LUC7L: variants seen among roughly 807,000 people sequenced by gnomAD.
The protein encoded by LUC7L is LUC7 like, also known as putative RNA-binding protein Luc7-like 1.
A neutral mutation model predicts 51.1 loss-of-function variants in LUC7L; 29 were observed. That is an observed-to-expected ratio of 0.57 (90% CI 0.42 to 0.77). The LOEUF (loss-of-function observed/expected upper bound fraction) is 0.77, where lower values mean the gene tolerates loss of function less well. Among genes scored for constraint, LUC7L ranks in the 30% least tolerant of loss-of-function variants. The pLI, the probability that LUC7L is intolerant of heterozygous loss-of-function variation, is 0.00. For synonymous variants in LUC7L, 181 were observed against 180.7 expected (o/e 1.00, Z -0.01); for missense variants, 403 against 511.9 (o/e 0.79, Z 2.05).
intron 6 of LUC7L, among the ~76,000 whole-genome samples, chr16:198,681 CATA>C (rs1301455446): frequency 6.6e-6 from 1 of 151,966 alleles, no homozygotes; most frequent in Non-Finnish European, 1.5e-5. Flanking sequence ...GAGATCAGAA[CATA>C]ATGTTTTTTG....
Position 220,724 on chromosome 16 carries a change from G to A in LUC7L, c.180C>T (p.Thr60=), listed in dbSNP as rs149742297. ...CTCGGAGGGCCAAGTCGTGGATTTT[G>A]GTACATTCTCCTAAATCCATGCGCT... The part of the protein sequence containing the change: ...AGTRMDLGEC[T]KIHDLALRAD... Residue 60 remains threonine (T), a synonymous_variant, in exon 3 of 10, where the codon ACC becomes ACT. Coordinates refer to ENST00000293872, the MANE Select transcript of LUC7L (RefSeq NM_201412.3). The A allele has an allele frequency of 5.3e-5, 85 of 1,613,888 alleles. 1 individual carries two copies. The African/African-American group carries it at 1.1e-3, about 20-fold the overall frequency.
At chr16:204,970 G>A (rs866298660) in intron 5 of LUC7L, among the ~76,000 whole-genome samples, 1 of 152,188 alleles carries the variant, frequency 6.6e-6, no homozygotes, top group Non-Finnish European at 1.5e-5. Flanking sequence ...CTTCGGAGAT[G>A]ATGAGTGTCA....
At chr16:211,708 C>A (rs1267375235) in intron 3 of LUC7L, among the ~76,000 whole-genome samples, 1 of 152,196 alleles carries the variant, frequency 6.6e-6, no homozygotes, top group African/African-American at 2.4e-5. Flanking sequence ...CTCTGAGTAG[C>A]GTTATGAAAC....
chr16:222,640 ATT>A (rs778095221), intron 2 of LUC7L, among the ~76,000 whole-genome samples: 3 of 142,102 alleles, frequency 2.1e-5, no homozygotes, highest in Non-Finnish European at 1.5e-5. Flanking sequence ...TGTCTTTTTA[ATT>A]TTTTTTTTTT....
chr16:225,617 G>A (rs1436786607), intron 2 of LUC7L, among the ~76,000 whole-genome samples: 1 of 149,524 alleles, frequency 6.7e-6, no homozygotes, highest in African/African-American at 2.5e-5. Context: ...CTCCTGAGTA[G>A]CTGGGATTAC....
chr16:223,102 G>A lies in LUC7L; in HGVS notation c.157-2355C>T, dbSNP rs1410469698. Among the ~76,000 whole-genome samples, 7 of 151,724 alleles carry A rather than the reference G, an allele frequency of 4.6e-5. No homozygotes were observed. In the East Asian group the frequency reaches 7.9e-4, roughly 17 times the overall value. On this transcript the variant is annotated intron_variant, in intron 2 of 9. Coordinates refer to ENST00000293872, the MANE Select transcript of LUC7L (RefSeq NM_201412.3). ...AGGCTGGGCACGGTGGCTCACTCCT[G>A]TAATCCCAGCACTTTGGGAGGCCGA...
chr16:198,900 G>A lies in LUC7L; in HGVS notation c.687+162C>T, dbSNP rs373651178. Among the ~76,000 whole-genome samples, 19 of 152,116 alleles carry A rather than the reference G, an allele frequency of 1.2e-4. No individual in the cohort carries two copies. In the South Asian group the frequency reaches 2.5e-3, roughly 20 times the overall value. On this transcript the variant is annotated intron_variant, in intron 6 of 9. Coordinates refer to ENST00000293872, the MANE Select transcript of LUC7L (RefSeq NM_201412.3). ...TCACCATGTTGGTCAGGCTGGTCTCGAACTCCTGACCTCAGGTGATTCGCC... is the reference window on the plus strand; with the variant it reads ...TCACCATGTTGGTCAGGCTGGTCTCAAACTCCTGACCTCAGGTGATTCGCC...
chr16:198,265 CGA>C (rs1414169448), intron 6 of LUC7L, among the ~76,000 whole-genome samples: 1 of 107,162 alleles, frequency 9.3e-6, no homozygotes, highest in Non-Finnish European at 1.7e-5. Context: ...GGCGACAGAG[CGA>C]GACTCCATCT....
intron 5 of LUC7L, 83 bp from the exon 6 acceptor site, chr16:199,321 TAAG>T (rs1008328920): frequency 1.3e-5 from 12 of 890,620 alleles, no homozygotes; most frequent in Non-Finnish European, 2.1e-5. Flanking sequence ...AAATATTTGA[TAAG>T]ATGACAGAGG....
At chr16:197,844 C>T (rs1417784125) in intron 6 of LUC7L, among the ~76,000 whole-genome samples, 1 of 152,184 alleles carries the variant, frequency 6.6e-6, no homozygotes. Flanking sequence ...CAGGGGGAGG[C>T]TGGCTAATTT....
At position 208,751 on chromosome 16, in the gene LUC7L, TG is replaced by T. The variant is rs2142078890; in HGVS notation, c.256-564del. The stretch of plus-strand genomic sequence containing the variant: ...TACTATCTAAAGTAGCAGGAAAAAT[TG>T]GTTGCTATTTACCCAAAGAGATAAA... On this transcript the variant is annotated intron_variant, in intron 3 of 9. Transcript: ENST00000293872. The T allele has an allele frequency of 6.7e-6, 3 of 449,036 alleles. No individual in the cohort carries two copies. In the South Asian group the frequency reaches 2.8e-4, roughly 42 times the overall value. 27.8% of individuals were successfully genotyped at this position (449,036 alleles called of 1,614,324 possible).
At chr16:229,175 G>A (rs1486060825) in intron 1 of LUC7L, 104 bp downstream of exon 1, 2 of 1,464,818 alleles carry the variant, frequency 1.4e-6, no homozygotes, top group African/African-American at 1.5e-5. Context: ...GCGATGCCCC[G>A]CGCAGGCGCA....
Position 195,948 on chromosome 16 carries a change from T to C in LUC7L, c.688-2933A>G, listed in dbSNP as rs147963913. Among the ~76,000 whole-genome samples, 9 of 152,332 alleles carry C rather than the reference T, an allele frequency of 5.9e-5. No individual in the cohort carries two copies. In the East Asian group the frequency reaches 1.5e-3, roughly 26 times the overall value. On this transcript the variant is annotated intron_variant, in intron 6 of 9. Transcript: ENST00000293872. Reference sequence around the variant, plus strand: ...AATAATTATTTATCAAAGTCTGTAATACGAGTTGTGTTGTTTTGGTCAACT... The same window carrying C: ...AATAATTATTTATCAAAGTCTGTAACACGAGTTGTGTTGTTTTGGTCAACT...
rs2049402273 is a variant in LUC7L at position 203,816 on chromosome 16, G to A, written c.510+2188C>T. Among the ~76,000 whole-genome samples, 3 of 151,498 alleles carry A rather than the reference G, an allele frequency of 2.0e-5. No homozygotes were observed. The South Asian group carries it at 6.3e-4, about 32-fold the overall frequency. ...CGGATCATGAGGTCAGGAGATAGAG[G>A]CCATCCTGGCTAACACGGTTAAATC... On this transcript the variant is annotated intron_variant, in intron 5 of 9. Coordinates refer to ENST00000293872, the MANE Select transcript of LUC7L (RefSeq NM_201412.3).
At chr16:197,832 T>C (rs1266520530) in intron 6 of LUC7L, among the ~76,000 whole-genome samples, 1 of 152,146 alleles carries the variant, frequency 6.6e-6, no homozygotes, top group African/African-American at 2.4e-5. Context: ...ATTTCAGGTA[T>C]ACAGGGGGAG....
chr16:216,141 A>G (rs901668039), intron 3 of LUC7L, among the ~76,000 whole-genome samples: 9 of 151,942 alleles, frequency 5.9e-5, no homozygotes, highest in Non-Finnish European at 4.4e-5. Context: ...AGCTGGGATT[A>G]TAGGTGCCCA....
At chr16:219,799 G>A (rs1247326973) in intron 3 of LUC7L, among the ~76,000 whole-genome samples, 2 of 151,712 alleles carry the variant, frequency 1.3e-5, no homozygotes, top group Non-Finnish European at 2.9e-5. Flanking sequence ...AACCTGGGAG[G>A]AGTAGGTTGC....
At chr16:196,793 C>G (rs9939237) in intron 6 of LUC7L, among the ~76,000 whole-genome samples, 2,379 of 152,062 alleles carry the variant, frequency 0.016, 72 homozygotes, top group African/African-American at 0.054. Flanking sequence ...TCCCAAAGTG[C>G]TGGGATTACA....
At chr16:228,992 C>G in intron 1 of LUC7L, 3 of 1,431,842 alleles carry the variant, frequency 2.1e-6, no homozygotes, top group Admixed American at 2.4e-5. Flanking sequence ...GGGCACGGAG[C>G]CGCGGCGCCC....
Sources: allele counts gnomAD v4.1 joint callset (sites outside exome capture counted in the v4.1 genomes callset), GRCh38; gene constraint gnomAD v4.1.1; transcripts MANE v1.5; gene names NCBI Gene and HGNC (gene_info 2026-07-23, HGNC 2026-07-21).